The following DRD3 variants were observed in gnomAD, a reference collection of about 807,000 sequenced individuals.
The protein encoded by DRD3 is dopamine receptor D3, also known as D(3) dopamine receptor.
A neutral mutation model predicts 36.3 loss-of-function variants in DRD3; 19 were observed. That is an observed-to-expected ratio of 0.52 (90% CI 0.36 to 0.77). DRD3 has a LOEUF of 0.77. Ranked by LOEUF, DRD3 falls within the 30% of genes least tolerant of loss-of-function variation. DRD3 has a pLI of 0.00. For missense variants in DRD3, 465 were observed against 505.3 expected (o/e 0.92, Z 0.77); for synonymous variants, 195 against 203.7 (o/e 0.96, Z 0.36).
At chr3:114,189,670 A>G (rs1464712508) in intron 1 of DRD3, among the ~76,000 whole-genome samples, 1 of 152,202 alleles carries the variant, frequency 6.6e-6, no homozygotes, top group African/African-American at 2.4e-5. Flanking sequence ...TTTTAGATAG[A>G]GCATGCACCA....
At chr3:114,183,434 G>A (rs35349611), upstream of DRD3, among the ~76,000 whole-genome samples, 1 of 151,988 alleles carries the variant, frequency 6.6e-6, no homozygotes, top group South Asian at 2.1e-4. Context: ...ATGTCTTTTA[G>A]GTCTAGTGGG....
At chr3:114,190,567 A>G (rs2078005923) in intron 1 of DRD3, among the ~76,000 whole-genome samples, 1 of 140,754 alleles carries the variant, frequency 7.1e-6, no homozygotes, top group Admixed American at 7.3e-5. Context: ...AGCCATGTGG[A>G]CCTGAGGAAG....
intron 1 of DRD3, among the ~76,000 whole-genome samples, chr3:114,178,241 C>T (rs967429517): frequency 6.6e-6 from 1 of 152,130 alleles, no homozygotes; most frequent in African/African-American, 2.4e-5. Context: ...AAAATAGTGC[C>T]TCTCCAAACC....
At chr3:114,158,102 C>CA (rs1241655473) in intron 3 of DRD3, among the ~76,000 whole-genome samples, 4 of 150,598 alleles carry the variant, frequency 2.7e-5, no homozygotes, top group Non-Finnish European at 5.9e-5. Context: ...AACTCCATCT[C>CA]AAAAAAAGAA....
chr3:114,138,471 C>T (rs2077495152), intron 5 of DRD3, among the ~76,000 whole-genome samples: 1 of 152,080 alleles, frequency 6.6e-6, no homozygotes, highest in Admixed American at 6.6e-5. Flanking sequence ...GGGAAACTCC[C>T]CCTCATAAAA....
At chr3:114,129,250 G>A (rs1254026927) in intron 6 of DRD3, among the ~76,000 whole-genome samples, 2 of 152,128 alleles carry the variant, frequency 1.3e-5, no homozygotes, top group Admixed American at 6.5e-5. Flanking sequence ...AGCTGGGGCA[G>A]GAGAGTTGCT....
intron 1 of DRD3, among the ~76,000 whole-genome samples, chr3:114,176,900 G>A (rs2077905181): frequency 6.6e-6 from 1 of 152,138 alleles, no homozygotes; most frequent in African/African-American, 2.4e-5. Context: ...GATGAAGAAG[G>A]TAAGCACTAT....
intron 4 of DRD3, among the ~76,000 whole-genome samples, chr3:114,146,446 G>A (rs1388572466): frequency 1.3e-5 from 2 of 152,090 alleles, no homozygotes; most frequent in African/African-American, 4.8e-5. Flanking sequence ...GGCCGAACGC[G>A]GTGGCTCACA....
chr3:114,147,935 A>G (rs80224574), intron 3 of DRD3, among the ~76,000 whole-genome samples: 1,739 of 152,300 alleles, frequency 0.011, 38 homozygotes, highest in African/African-American at 0.04. Context: ...CACCAAGTCC[A>G]GTGAGGGGAA....
intron 1 of DRD3, among the ~76,000 whole-genome samples, chr3:114,193,180 G>A (rs2078020596): frequency 6.6e-6 from 1 of 152,178 alleles, no homozygotes; most frequent in African/African-American, 2.4e-5. Context: ...TTGGGAGGCT[G>A]AGGCAGGAGA....
chr3:114,129,480 G>T (rs764279949), intron 6 of DRD3, among the ~76,000 whole-genome samples: 1 of 152,122 alleles, frequency 6.6e-6, no homozygotes, highest in Non-Finnish European at 1.5e-5. Flanking sequence ...TTTCTAGTTG[G>T]GTCTCTAGGT....
chr3:114,147,238 T>C (rs1355914234), intron 4 of DRD3, among the ~76,000 whole-genome samples, 177 bp downstream of exon 4: 1 of 152,104 alleles, frequency 6.6e-6, no homozygotes, highest in East Asian at 1.9e-4. Flanking sequence ...GAGGTTTTGC[T>C]TTATATTTTA....
rs562674548 is a variant in DRD3 at position 114,146,413 on chromosome 3, C to T, written c.526+1002G>A. 1.4e-4 allele frequency among the ~76,000 whole-genome samples: 22 copies of T among 152,148 alleles called. No homozygotes were observed. The South Asian group carries it at 1.7e-3, about 11-fold the overall frequency. On this transcript the variant is annotated intron_variant, in intron 4 of 6. Transcript: ENST00000383673. ...ACTATGTGGTTTAATACCTTTCATT[C>T]GACACGTTAAATTACTGAGGCTGGC...
intron 1 of DRD3, among the ~76,000 whole-genome samples, chr3:114,175,104 A>G (rs1404583560): frequency 6.6e-6 from 1 of 152,124 alleles, no homozygotes; most frequent in East Asian, 1.9e-4. Flanking sequence ...TCCTTTACAT[A>G]TACCCACTAG....
At chr3:114,168,825 C>T (rs574461808) in intron 2 of DRD3, among the ~76,000 whole-genome samples, 1 of 152,318 alleles carries the variant, frequency 6.6e-6, no homozygotes, top group African/African-American at 2.4e-5. Flanking sequence ...TATTTACAGC[C>T]AAAACATTCC....
At chr3:114,141,573 G>A (rs2077523731) in intron 4 of DRD3, among the ~76,000 whole-genome samples, 1 of 152,146 alleles carries the variant, frequency 6.6e-6, no homozygotes, top group African/African-American at 2.4e-5. Context: ...GAGAAGGAAG[G>A]AAATAACAGC....
chr3:114,184,292 A>G (rs1168371168), intron 1 of DRD3, among the ~76,000 whole-genome samples: 1 of 152,186 alleles, frequency 6.6e-6, no homozygotes, highest in Admixed American at 6.5e-5. Context: ...ATAAAATTAT[A>G]CCTTTATATA....
upstream of DRD3, among the ~76,000 whole-genome samples, chr3:114,182,499 C>T (rs2077953454): frequency 6.6e-6 from 1 of 152,144 alleles, no homozygotes; most frequent in African/African-American, 2.4e-5. Flanking sequence ...ATATCTGCAT[C>T]TACCCTTCTG....
chr3:114,179,828 A>G (rs774846767), upstream of DRD3, among the ~76,000 whole-genome samples: 7 of 152,206 alleles, frequency 4.6e-5, no homozygotes, highest in Non-Finnish European at 8.8e-5. Context: ...CTGAGAAAGA[A>G]GGCAGCAGCA....
Sources: allele counts gnomAD v4.1 joint callset (sites outside exome capture counted in the v4.1 genomes callset), GRCh38; gene constraint gnomAD v4.1.1; transcripts MANE v1.5; gene names NCBI Gene and HGNC (gene_info 2026-07-23, HGNC 2026-07-21).